Variants in ZDHHC11 observed in about 807,000 individuals in gnomAD.
The protein encoded by ZDHHC11 is palmitoyltransferase ZDHHC11.
A neutral mutation model predicts 51.3 loss-of-function variants in ZDHHC11; 44 were observed. That is an observed-to-expected ratio of 0.86 (90% confidence interval 0.67 to 1.10). The LOEUF (loss-of-function observed/expected upper bound fraction) is 1.10. Ranked by LOEUF, ZDHHC11 falls within the 50% of genes least tolerant of loss-of-function variation. The pLI is 0.00. For missense variants in ZDHHC11, 400 were observed against 537.7 expected (o/e 0.74, Z 2.53); for synonymous variants, 163 against 222.0 (o/e 0.73, Z 2.36).
Position 840,835 on chromosome 5 carries a change from T to C in ZDHHC11, c.629-185A>G, listed in dbSNP as rs1403386025. Reference sequence around the variant, plus strand: ...CCCCGTAGGCCCTGCTGCCTTCGGTTGGTTTTCATGATCCCTGCTTTATGG... The same window carrying C: ...CCCCGTAGGCCCTGCTGCCTTCGGTCGGTTTTCATGATCCCTGCTTTATGG... On this transcript the variant is annotated intron_variant, in intron 4 of 12. Transcript: ENST00000283441. The C allele has an allele frequency of 9.5e-6, 14 of 1,473,412 alleles. No homozygotes were observed. The Admixed American group carries it at 2.4e-4, about 26-fold the overall frequency. 91.3% of individuals were successfully genotyped at this position (1,473,412 alleles called of 1,614,324 possible).
chr5:856,595 C>T lies in ZDHHC11; in HGVS notation c.-1+2279G>A, dbSNP rs556137893. On this transcript the variant is annotated intron_variant, in intron 1 of 3. Transcript: ENST00000685990. ...ACACACCACACAAACCACACGCACA[C>T]ACCTCACGCCACACATATGCAACAG... Among the ~76,000 whole-genome samples, 4 of 150,372 alleles carry T rather than the reference C, an allele frequency of 2.7e-5. No individual in the cohort carries two copies. In the East Asian group the frequency reaches 6.0e-4, roughly 22 times the overall value.
chr5:845,832 C>T (rs534719938), intron 3 of ZDHHC11, among the ~76,000 whole-genome samples: 1 of 149,998 alleles, frequency 6.7e-6, no homozygotes, highest in Non-Finnish European at 1.5e-5. Context: ...CCCGGCCCTG[C>T]TCTCCTGATG....
At chr5:804,445 A>C (rs1339340912) in intron 11 of ZDHHC11, among the ~76,000 whole-genome samples, 1 of 151,208 alleles carries the variant, frequency 6.6e-6, no homozygotes, top group African/African-American at 2.4e-5. Flanking sequence ...TAAAGAAATA[A>C]TGGCTGAAAA....
intron 11 of ZDHHC11, among the ~76,000 whole-genome samples, chr5:814,000 T>TGTA (rs1380441952): frequency 2.7e-5 from 4 of 150,596 alleles, no homozygotes; most frequent in Non-Finnish European, 5.9e-5. Flanking sequence ...TTTAGTAGAG[T>TGTA]GTAGGAGCGC....
upstream of ZDHHC11, among the ~76,000 whole-genome samples, chr5:859,353 CCAG>C (rs1007969441): frequency 1.3e-5 from 2 of 152,114 alleles, no homozygotes; most frequent in Non-Finnish European, 2.9e-5. Flanking sequence ...ATCAGCCTGC[CCAG>C]CTACTCAGCT....
At chr5:855,680 C>A, upstream of ZDHHC11, among the ~76,000 whole-genome samples, 1 of 150,028 alleles carries the variant, frequency 6.7e-6, no homozygotes, top group South Asian at 2.1e-4. Flanking sequence ...GGGGGACAGA[C>A]CCCACGGAGG....
rs6884042 is a variant in ZDHHC11, at chr5:807,280, T to G, written c.1182-6116A>C. Among the ~76,000 whole-genome samples, 5 of 149,858 alleles carry G rather than the reference T, an allele frequency of 3.3e-5. 1 individual carries two copies. Among genetic ancestry groups the G allele is most frequent in the African/African-American group, 1.2e-4 (5 of 40,774 alleles). ...AAAAAAAAAATGAAAAAGTATCCAA[T>G]GTATTGCACGTATGTATGTACTCTT... On this transcript the variant is annotated intron_variant, in intron 11 of 12. Transcript: ENST00000283441.
chr5:857,147 T>C (rs1748374758), intron 1 of ZDHHC11, among the ~76,000 whole-genome samples: 1 of 152,214 alleles, frequency 6.6e-6, no homozygotes, highest in Non-Finnish European at 1.5e-5. Flanking sequence ...CTTGTAATGT[T>C]GGGTTCAGGT....
chr5:844,504 T>C (rs1745793178), intron 3 of ZDHHC11, among the ~76,000 whole-genome samples: 1 of 152,278 alleles, frequency 6.6e-6, no homozygotes, highest in African/African-American at 2.4e-5. Context: ...CAGACAGGCC[T>C]CCCTACCAGC....
upstream of ZDHHC11, among the ~76,000 whole-genome samples, chr5:854,064 G>A (rs577913052): frequency 4.5e-3 from 642 of 144,152 alleles, 6 homozygotes; most frequent in African/African-American, 0.016. Flanking sequence ...AGCCGGGACA[G>A]ACCCCACCGA....
At chr5:844,515 C>G (rs1382772352) in intron 3 of ZDHHC11, among the ~76,000 whole-genome samples, 1 of 152,304 alleles carries the variant, frequency 6.6e-6, no homozygotes, top group Non-Finnish European at 1.5e-5. Context: ...CCCTACCAGC[C>G]AAGGAGCACG....
At chr5:849,386 G>A (rs115235498) in intron 1 of ZDHHC11, among the ~76,000 whole-genome samples, 214 of 152,232 alleles carry the variant, frequency 1.4e-3, no homozygotes, top group African/African-American at 5.0e-3. Flanking sequence ...AACACAGCCG[G>A]ATGCAGCCCC....
In ZDHHC11 at chr5:850,884, C is replaced by T. The variant is rs1404126801; in HGVS notation, c.-282G>A. On this transcript the variant is annotated 5_prime_UTR_variant, in exon 1 of 13. Transcript: ENST00000283441. The stretch of plus-strand genomic sequence containing the variant: ...AAACGGCTCTCCAGGGTGTGGAGGA[C>T]CCAGTGCCCGCGCGACCGCCCATCA... 3 of 487,664 alleles carry T rather than the reference C, an allele frequency of 6.2e-6. No homozygotes were observed. Among genetic ancestry groups the T allele is most frequent in the Non-Finnish European group, 1.0e-5 (3 of 289,596 alleles). The allele number at this position is 487,664 out of a possible 1,614,324, so 30.2% of individuals were successfully genotyped here.
intron 4 of ZDHHC11, chr5:841,553 G>A: frequency 1.0e-6 from 1 of 1,001,014 alleles, no homozygotes; most frequent in Non-Finnish European, 1.2e-6. Flanking sequence ...TAAGTGCCGG[G>A]GTCACAGAGC....
At chr5:842,044 A>G (rs1305308700) in intron 4 of ZDHHC11, 8 of 986,438 alleles carry the variant, frequency 8.1e-6, no homozygotes, top group Non-Finnish European at 9.6e-6. Context: ...GAGAAGAAGG[A>G]GCAGCTTTGC....
In ZDHHC11 at chr5:850,896, G is replaced by A. The variant is rs180755904; in HGVS notation, c.-294C>T. The A allele has an allele frequency of 3.8e-3, 2,020 of 526,058 alleles. 39 individuals are homozygous for A. The highest frequency in any genetic ancestry group is 0.036 in the African/African-American group (1,866 of 52,086). The allele number at this position is 526,058 out of a possible 1,614,324, so 32.6% of individuals were successfully genotyped here. Reference sequence around the variant, plus strand: ...AGGGTGTGGAGGACCCAGTGCCCGCGCGACCGCCCATCAGTTCCCCTGAGG... The same window carrying A: ...AGGGTGTGGAGGACCCAGTGCCCGCACGACCGCCCATCAGTTCCCCTGAGG... On this transcript the variant is annotated 5_prime_UTR_variant, in exon 1 of 13. Transcript: ENST00000283441.
chr5:854,043 G>A (rs967348699), upstream of ZDHHC11, among the ~76,000 whole-genome samples: 4 of 148,870 alleles, frequency 2.7e-5, no homozygotes, highest in Non-Finnish European at 5.9e-5. Flanking sequence ...ACCGCACAGA[G>A]GACAGTGAGC....
At position 844,125 on chromosome 5, in the gene ZDHHC11, G is replaced by A. The variant is rs532951124; in HGVS notation, c.504-401C>T. ...GTCCACTTGAGGGCGCCTGGCCACC[G>A]CCCAACGCTGGCCTCAAACCCTGCT... On this transcript the variant is annotated intron_variant, in intron 3 of 12. Transcript: ENST00000283441. Among the ~76,000 whole-genome samples, 15 of 152,046 alleles carry A rather than the reference G, an allele frequency of 9.9e-5. No individual in the cohort carries two copies. In the East Asian group the frequency reaches 1.5e-3, roughly 16 times the overall value.
At chr5:823,237 G>C (rs1481016502) in intron 8 of ZDHHC11, among the ~76,000 whole-genome samples, 1 of 150,898 alleles carries the variant, frequency 6.6e-6, no homozygotes, top group Non-Finnish European at 1.5e-5. Context: ...TTGTAGGAAT[G>C]TTAAAGTTTC....
Sources: allele counts gnomAD v4.1 joint callset (sites outside exome capture counted in the v4.1 genomes callset), GRCh38; gene constraint gnomAD v4.1.1; transcripts MANE v1.5; gene names NCBI Gene and HGNC (gene_info 2026-07-23, HGNC 2026-07-21).